Variants in DISP3 observed in about 807,000 individuals in gnomAD.
DISP3 encodes dispatched RND transporter family member 3.
In DISP3, 101 loss-of-function variants were observed where a neutral mutation model predicts 135.3. That is an observed-to-expected ratio of 0.75 (90% CI 0.64 to 0.88). The LOEUF (loss-of-function observed/expected upper bound fraction) is 0.88. Among genes scored for constraint, DISP3 ranks in the 40% least tolerant of loss-of-function variants. The pLI, the probability that DISP3 is intolerant of heterozygous loss-of-function variation, is 0.00. For missense variants in DISP3, 1,713 were observed against 1,878.6 expected, an observed-to-expected ratio of 0.91 and a Z score of 1.63; for synonymous variants, 856 against 817.0, an observed-to-expected ratio of 1.05 and a Z score of -0.81.
chr1:11,514,584 A>G, intron 4 of DISP3, 58 bp downstream of exon 4: 1 of 1,561,282 alleles, frequency 6.4e-7, no homozygotes, highest in East Asian at 2.3e-5. Flanking sequence ...CTGTCTGCCC[A>G]GAGCCTGCCT....
chr1:11,536,762 A>G lies in DISP3; in HGVS notation c.*76A>G. The G allele has an allele frequency of 6.9e-7, 1 of 1,443,388 alleles. No individual in the cohort carries two copies. Among genetic ancestry groups the G allele is most frequent in the Admixed American group, 2.7e-5 (1 of 36,816 alleles). 89.4% of individuals were successfully genotyped at this position (1,443,388 alleles called of 1,614,324 possible). A position where few individuals can be genotyped will look rare whatever the true frequency, so the allele number is the denominator to read the frequency against. On this transcript the variant is annotated 3_prime_UTR_variant, in exon 21 of 21. Transcript: ENST00000294484. This position sits in a 1 kb window ranked among gnomAD's most constrained non-coding sequence, Gnocchi z 4.3. Reference sequence around the variant, plus strand: ...AGGAGCTGCTTCCCAGCTCGACTTCAGCTAGCTGTGTCCCCAGGCCTGGGC... The same window carrying G: ...AGGAGCTGCTTCCCAGCTCGACTTCGGCTAGCTGTGTCCCCAGGCCTGGGC...
Position 11,502,698 on chromosome 1 carries a change from ACT to A in DISP3, c.1119_1120del (p.His374ProfsTer2). On this transcript the variant is annotated frameshift_variant, in exon 3 of 21. Transcript: ENST00000294484. LOFTEE classifies it high-confidence loss of function. ...TGCAGGCTCCCTGGAGCTGGCCATG[ACT>A]CACCCTGAGTTCTACTGGTATGTGG... ...DIRGSLELAM[T>X]HPEFYWYVDE... The A allele has an allele frequency of 6.2e-7, 1 of 1,613,962 alleles. No homozygotes were observed. The highest frequency in any genetic ancestry group is 1.1e-5 in the South Asian group (1 of 91,056).
At chr1:11,511,707 T>A (rs1273780911) in intron 3 of DISP3, among the ~76,000 whole-genome samples, 1 of 152,156 alleles carries the variant, frequency 6.6e-6, no homozygotes, top group Admixed American at 6.5e-5. Flanking sequence ...ATGACCCTCT[T>A]CTCACAGCTC....
At chr1:11,522,360 G>A (rs529629842) in intron 10 of DISP3, among the ~76,000 whole-genome samples, 7 of 152,212 alleles carry the variant, frequency 4.6e-5, no homozygotes, top group Middle Eastern at 3.4e-3. Flanking sequence ...CTGCAGCTCC[G>A]AGAGGCACCA....
At position 11,536,374 on chromosome 1, in the gene DISP3, G is replaced by A; in HGVS notation, c.3867G>A (p.Val1289=). The A allele has an allele frequency of 1.2e-6, 2 of 1,608,976 alleles. No homozygotes were observed. Among genetic ancestry groups the A allele is most frequent in the Non-Finnish European group, 1.7e-6 (2 of 1,179,920 alleles). The change falls in exon 21 of 21, where the codon GTG becomes GTA. Residue 1289 remains valine (V), a synonymous_variant. Coordinates refer to ENST00000294484, the MANE Select transcript of DISP3 (RefSeq NM_020780.2). This position sits in a 1 kb window ranked among gnomAD's most constrained non-coding sequence, Gnocchi z 4.3. ...GTACGCTGGAGGCCGTGCGGCACGT[G>A]GGCGTGGCCATCGTCTCCAGTGCCC... ...QWRTLEAVRH[V]GVAIVSSALT... is the part of the protein sequence containing the mutation.
chr1:11,518,189 G>A (rs1353655090), intron 7 of DISP3, among the ~76,000 whole-genome samples: 1 of 152,192 alleles, frequency 6.6e-6, no homozygotes, highest in Admixed American at 6.5e-5. Context: ...TTGGGAGGAT[G>A]GAGGGTCTCT....
intron 1 of DISP3, among the ~76,000 whole-genome samples, chr1:11,487,221 A>G (rs2379136): frequency 0.51 from 77,427 of 152,070 alleles, 22,386 homozygotes; most frequent in African/African-American, 0.78. Context: ...AAAAGCTGAG[A>G]AGCCACCCTG....
chr1:11,494,759 G>A (rs922676622), intron 1 of DISP3, among the ~76,000 whole-genome samples: 3 of 152,190 alleles, frequency 2.0e-5, no homozygotes, highest in Non-Finnish European at 4.4e-5. Context: ...CCTAATTGCC[G>A]TTAAATTGTA....
chr1:11,492,652 G>A (rs1279575064), intron 1 of DISP3, among the ~76,000 whole-genome samples: 1 of 152,112 alleles, frequency 6.6e-6, no homozygotes, highest in Admixed American at 6.5e-5. Context: ...CTGGCAAATT[G>A]AGCCAACAAA....
intron 5 of DISP3, 32 bp downstream of exon 5, chr1:11,515,535 C>T (rs1169052317): frequency 6.4e-7 from 1 of 1,570,780 alleles, no homozygotes; most frequent in South Asian, 1.2e-5. Flanking sequence ...GGCAGTGCGC[C>T]TCCCACATGG....
At chr1:11,503,323 C>T (rs1557602058) in intron 3 of DISP3, among the ~76,000 whole-genome samples, 1 of 152,164 alleles carries the variant, frequency 6.6e-6, no homozygotes, top group African/African-American at 2.4e-5. Flanking sequence ...GGAATTGGCT[C>T]ATGCAATTAT....
chr1:11,496,982 G>T (rs1257672607), intron 1 of DISP3, among the ~76,000 whole-genome samples: 1 of 152,246 alleles, frequency 6.6e-6, no homozygotes, highest in Non-Finnish European at 1.5e-5. Context: ...TGATGCCCTT[G>T]TGGCACTTTT....
At position 11,529,463 on chromosome 1, in the gene DISP3, C is replaced by T; in HGVS notation, c.2799-93C>T. On this transcript the variant is annotated intron_variant, in intron 13 of 20. Transcript: ENST00000294484. This position sits in a 1 kb window ranked among gnomAD's most constrained non-coding sequence, Gnocchi z 4.7. The stretch of plus-strand genomic sequence containing the variant: ...GCCCGAGTCCAGACCCCATGACACC[C>T]CAGCCCCAGTCCCAACCCTGGCCTG... 1 of 1,429,112 alleles carries T rather than the reference C, an allele frequency of 7.0e-7. No individual in the cohort carries two copies. Among genetic ancestry groups the T allele is most frequent in the Non-Finnish European group, 9.5e-7 (1 of 1,056,990 alleles). 88.5% of individuals were successfully genotyped at this position (1,429,112 alleles called of 1,614,324 possible). A position where few individuals can be genotyped will look rare whatever the true frequency, so the allele number is the denominator to read the frequency against.
At position 11,520,675 on chromosome 1, in the gene DISP3, C is replaced by G. The variant is rs1295159389; in HGVS notation, c.2201-12C>G. 1 of 1,612,068 alleles carries G rather than the reference C, an allele frequency of 6.2e-7. No homozygotes were observed. Among genetic ancestry groups the G allele is most frequent in the Non-Finnish European group, 8.5e-7 (1 of 1,179,022 alleles). On this transcript the variant is annotated splice_polypyrimidine_tract_variant and intron_variant, in intron 9 of 20. Transcript: ENST00000294484. The surrounding 1 kb of genome is among the most constrained non-coding windows in gnomAD (Gnocchi z 4.8). ...GCCCAGCCCCGCCTGGTGTAGCGCC[C>G]TTTCCTCACAGGGCTGTTCGTCTCC...
At chr1:11,512,899 G>A (rs2745266) in intron 3 of DISP3, among the ~76,000 whole-genome samples, 129,509 of 152,088 alleles carry the variant, frequency 0.85, 55,236 homozygotes, top group Admixed American at 0.88. Context: ...GGGGACGGCA[G>A]GAGAAAATGA....
intron 20 of DISP3, 105 bp downstream of exon 20, chr1:11,535,749 AC>A (rs1315947889): frequency 1.1e-5 from 15 of 1,378,734 alleles, no homozygotes; most frequent in Non-Finnish European, 1.5e-5. Flanking sequence ...CAGCACCAGG[AC>A]CCCCATGCAG....
At chr1:11,532,921 G>A (rs1266103906) in intron 17 of DISP3, among the ~76,000 whole-genome samples, 1 of 152,066 alleles carries the variant, frequency 6.6e-6, no homozygotes, top group African/African-American at 2.4e-5. Context: ...GGCCAGGCGG[G>A]TCTCGAACTC....
Position 11,525,195 on chromosome 1 carries a change from C to T in DISP3, c.2496C>T (p.Tyr832=), listed in dbSNP as rs1485178525. The T allele has an allele frequency of 3.7e-6, 6 of 1,613,874 alleles. No homozygotes were observed. Among genetic ancestry groups the T allele is most frequent in the African/African-American group, 1.3e-5 (1 of 74,934 alleles). Reference sequence around the variant, plus strand: ...CCGTAGATTTCCCAGGCACCGTGTACATCTCTAAAGTGAAGAGTCAAGGCC... The same window carrying T: ...CCGTAGATTTCCCAGGCACCGTGTATATCTCTAAAGTGAAGAGTCAAGGCC... ...ATLQDFPGTV[Y]ISKVKSQGHP... The change falls in exon 12 of 21, where the codon TAC becomes TAT. Residue 832 remains tyrosine, a synonymous_variant. Coordinates refer to ENST00000294484, the MANE Select transcript of DISP3 (RefSeq NM_020780.2).
rs370479630 is a variant in DISP3 at position 11,523,997 on chromosome 1, G to C, written c.2418G>C (p.Glu806Asp). 13 of 1,613,162 alleles carry C rather than the reference G, an allele frequency of 8.1e-6. No individual in the cohort carries two copies. The African/African-American group carries it at 1.7e-4, about 22-fold the overall frequency. ...AGAACAACATCCGGACGTCCCTGGA[G>C]AAGAAGAGGCGAGGCTCAGGGGTCC... ...SLQNNIRTSL[E>D]KKRRGSGVPW... The change falls in exon 11 of 21, where the codon GAG becomes GAC. Residue 806 changes from glutamate to aspartate, a missense_variant. This residue lies in a region of DISP3 where 1,142 missense variants were observed against 1,384.6 expected (regional missense o/e 0.82). Transcript: ENST00000294484.
Sources: allele counts gnomAD v4.1 joint callset (sites outside exome capture counted in the v4.1 genomes callset), GRCh38; gene constraint gnomAD v4.1.1; regional missense constraint gnomAD v4.1.1; non-coding constraint Gnocchi (gnomAD v3.1); transcripts MANE v1.5; gene names NCBI Gene and HGNC (gene_info 2026-07-23, HGNC 2026-07-21).